TGFA: variants seen among roughly 807,000 people sequenced by gnomAD.
TGFA encodes protransforming growth factor alpha.
In TGFA, 12 loss-of-function variants were observed where a neutral mutation model predicts 21.7. The observed-to-expected ratio is 0.55, with a 90% CI of 0.35 to 0.90. The LOEUF is 0.90. Ranked by LOEUF, TGFA falls within the 40% of genes least tolerant of loss-of-function variation. The pLI is 0.01. For missense variants in TGFA, 178 were observed against 210.8 expected, an observed-to-expected ratio of 0.84 and a Z score of 0.96; for synonymous variants, 79 against 88.1, an observed-to-expected ratio of 0.90 and a Z score of 0.58.
intron 2 of TGFA, among the ~76,000 whole-genome samples, chr2:70,485,670 T>C (rs2862851): frequency 0.58 from 88,467 of 152,070 alleles, 26,270 homozygotes; most frequent in African/African-American, 0.69. Flanking sequence ...TTTCCCTCCC[T>C]GCAATTTCAG....
chr2:70,550,954 G>T (rs4574141), intron 1 of TGFA, among the ~76,000 whole-genome samples: 66,755 of 152,056 alleles, frequency 0.44, 15,301 homozygotes, highest in East Asian at 0.6. Flanking sequence ...GATATTTTTC[G>T]AAGGAATGGT....
intron 1 of TGFA, among the ~76,000 whole-genome samples, chr2:70,550,463 T>A (rs7582649): frequency 1.3e-5 from 2 of 151,508 alleles, no homozygotes; most frequent in Admixed American, 1.3e-4. Flanking sequence ...AAAAATTAAA[T>A]AATTAAATAA....
At chr2:70,497,954 A>G (rs1553498568) in intron 2 of TGFA, among the ~76,000 whole-genome samples, 1 of 152,248 alleles carries the variant, frequency 6.6e-6, no homozygotes, top group African/African-American at 2.4e-5. Context: ...AAAATAACTA[A>G]AAACAGCTTA....
chr2:70,467,355 C>T (rs1670599411), intron 2 of TGFA: 1 of 152,090 alleles, frequency 6.6e-6, no homozygotes, highest in Non-Finnish European at 1.5e-5. Flanking sequence ...AGCCCTAGTA[C>T]CATGACTCTC....
At chr2:70,552,391 C>A (rs2103965589) in intron 1 of TGFA, among the ~76,000 whole-genome samples, 1 of 152,248 alleles carries the variant, frequency 6.6e-6, no homozygotes, top group South Asian at 2.1e-4. Flanking sequence ...ATAATTATAT[C>A]CAGGAAGCTT....
At chr2:70,521,987 T>C (rs1296326339) in intron 1 of TGFA, among the ~76,000 whole-genome samples, 4 of 152,208 alleles carry the variant, frequency 2.6e-5, no homozygotes, top group Non-Finnish European at 5.9e-5. Flanking sequence ...GGGAATCAAA[T>C]TGGCCTCTCA....
At chr2:70,532,489 G>T (rs565528764) in intron 1 of TGFA, among the ~76,000 whole-genome samples, 1 of 152,344 alleles carries the variant, frequency 6.6e-6, no homozygotes, top group East Asian at 1.9e-4. Flanking sequence ...GGGAAGAGGA[G>T]CATGCACACA....
chr2:70,508,127 G>T (rs1312206933), intron 2 of TGFA, among the ~76,000 whole-genome samples: 1 of 152,196 alleles, frequency 6.6e-6, no homozygotes, highest in East Asian at 1.9e-4. Flanking sequence ...CTGCTGCTAA[G>T]TTAGGGTGGA....
intron 1 of TGFA, among the ~76,000 whole-genome samples, chr2:70,527,387 A>C (rs1400468748): frequency 6.6e-6 from 1 of 152,250 alleles, no homozygotes; most frequent in Non-Finnish European, 1.5e-5. Flanking sequence ...AGTCTGAAAA[A>C]GGCAAAACTG....
At chr2:70,541,567 G>C (rs1574147997) in intron 1 of TGFA, among the ~76,000 whole-genome samples, 1 of 152,184 alleles carries the variant, frequency 6.6e-6, no homozygotes, top group South Asian at 2.1e-4. Context: ...ACTGAGGCTG[G>C]TGGAAAAGGA....
chr2:70,467,802 A>G (rs759394223), intron 2 of TGFA: 13 of 152,268 alleles, frequency 8.5e-5, no homozygotes, highest in Non-Finnish European at 4.4e-5. Flanking sequence ...TAGAAGTGTC[A>G]TCATTTTAGA....
At chr2:70,452,458 T>C (rs548061168) in intron 5 of TGFA, among the ~76,000 whole-genome samples, 2 of 151,290 alleles carry the variant, frequency 1.3e-5, no homozygotes, top group African/African-American at 4.8e-5. Context: ...GATCATAGGA[T>C]CTAAGGGTTT....
intron 2 of TGFA, 149 bp from the exon 3 acceptor site, chr2:70,465,885 A>G (rs1670543686): frequency 1.6e-6 from 2 of 1,214,372 alleles, no homozygotes; most frequent in South Asian, 1.6e-5. Context: ...GCTCTCACTT[A>G]CTTTCTAAAG....
At chr2:70,486,612 C>T (rs1000383752) in intron 2 of TGFA, among the ~76,000 whole-genome samples, 5 of 152,104 alleles carry the variant, frequency 3.3e-5, no homozygotes, top group African/African-American at 1.2e-4. Flanking sequence ...CAGGTGCGCG[C>T]TACCACACCA....
intron 3 of TGFA, among the ~76,000 whole-genome samples, chr2:70,459,920 A>G (rs1880039): frequency 0.15 from 22,186 of 152,126 alleles, 1,834 homozygotes; most frequent in Admixed American, 0.26. Flanking sequence ...CTGCCTCATC[A>G]TTGGGACTCC....
At chr2:70,481,616 T>A (rs1318337637) in intron 2 of TGFA, among the ~76,000 whole-genome samples, 1 of 152,136 alleles carries the variant, frequency 6.6e-6, no homozygotes, top group Non-Finnish European at 1.5e-5. Context: ...TGAAGTCCCC[T>A]CCCATACTGT....
At chr2:70,518,534 C>T (rs1490296234) in intron 1 of TGFA, among the ~76,000 whole-genome samples, 1 of 152,162 alleles carries the variant, frequency 6.6e-6, no homozygotes, top group Non-Finnish European at 1.5e-5. Context: ...GTGGAGCCAT[C>T]CCAAAACCTA....
At chr2:70,508,199 C>A (rs998967731) in intron 2 of TGFA, among the ~76,000 whole-genome samples, 1 of 152,194 alleles carries the variant, frequency 6.6e-6, no homozygotes, top group Non-Finnish European at 1.5e-5. Context: ...AAACCCAGCA[C>A]TTTGGGACGC....
intron 2 of TGFA, among the ~76,000 whole-genome samples, chr2:70,466,537 ACAAAAAAAC>A (rs1553492294): frequency 1.3e-5 from 2 of 152,032 alleles, no homozygotes; most frequent in Non-Finnish European, 2.9e-5. Flanking sequence ...AAACAAACAA[ACAAAAAAAC>A]CAAAAAAACC....
Sources: gnomAD v4.1 joint callset for allele counts (sites outside exome capture counted in the v4.1 genomes callset) on GRCh38, gnomAD v4.1.1 for gene constraint, MANE v1.5 for transcripts, NCBI Gene and HGNC (gene_info 2026-07-23, HGNC 2026-07-21) for gene names.